The following KIAA1217 variants were observed in gnomAD, a reference collection of about 807,000 sequenced individuals.
KIAA1217 encodes KIAA1217, also known as sickle tail protein homolog.
A neutral mutation model predicts 163.9 loss-of-function variants in KIAA1217; 88 were observed. The ratio of observed to expected loss-of-function variants is 0.54; its 90% CI spans 0.45 to 0.64. KIAA1217 has a LOEUF of 0.64. KIAA1217 is among the 30% of genes least tolerant of loss of function. The pLI is 0.00. For missense variants in KIAA1217, 2,372 were observed against 2,475.0 expected (o/e 0.96, Z 0.88); for synonymous variants, 903 against 923.1 (o/e 0.98, Z 0.39).
chr10:24,308,605 C>A (rs1459786087), intron 2 of KIAA1217, among the ~76,000 whole-genome samples: 5 of 152,164 alleles, frequency 3.3e-5, no homozygotes, highest in Non-Finnish European at 5.9e-5. Context: ...TTTAAAGGAA[C>A]AAAGCCATTG....
chr10:23,934,418 C>T (rs1843387258), intron 1 of KIAA1217, among the ~76,000 whole-genome samples: 1 of 149,732 alleles, frequency 6.7e-6, no homozygotes, highest in African/African-American at 2.5e-5. Context: ...AGAGAATGGG[C>T]CAATAGGTTC....
intron 2 of KIAA1217, among the ~76,000 whole-genome samples, chr10:24,078,550 G>A (rs2061439595): frequency 1.3e-5 from 2 of 152,080 alleles, no homozygotes; most frequent in African/African-American, 4.8e-5. Flanking sequence ...CAAATACTTG[G>A]GCCCTAATCT....
rs537451805 is a variant in KIAA1217, at chr10:23,872,311, G to A, written c.-320-134914G>A. Among the ~76,000 whole-genome samples, 8 of 152,160 alleles carry A rather than the reference G, an allele frequency of 5.3e-5. No homozygotes were observed. The East Asian group carries it at 1.4e-3, about 26-fold the overall frequency. On this transcript the variant is annotated intron_variant, in intron 1 of 18. Transcript: ENST00000376462. ...CCAATAGATTTTAAAAGACTTAGGA[G>A]AGATAGAATGTGAAAGAAGTTTAAA...
At chr10:23,761,173 G>A (rs1834246798) in intron 1 of KIAA1217, among the ~76,000 whole-genome samples, 1 of 152,196 alleles carries the variant, frequency 6.6e-6, no homozygotes, top group African/African-American at 2.4e-5. Context: ...GGCTGAGGTG[G>A]GAAGATCATT....
rs545271478 is a variant in KIAA1217 at position 23,846,144 on chromosome 10, A to G, written c.-321+150910A>G. On this transcript the variant is annotated intron_variant, in intron 1 of 18. Coordinates refer to the KIAA1217 transcript ENST00000376462. ...GTTTTGGTTACTGTAGCCTTGTAAGATAGTTTGAAGTCAGGTAGCATGATG... is the reference window on the plus strand; with the variant it reads ...GTTTTGGTTACTGTAGCCTTGTAAGGTAGTTTGAAGTCAGGTAGCATGATG... Among the ~76,000 whole-genome samples the G allele has an allele frequency of 2.2e-3, 335 of 152,178 alleles. 1 individual carries two copies. The highest frequency in any genetic ancestry group is 4.5e-3 in the Non-Finnish European group (304 of 67,996).
chr10:24,107,213 C>T (rs1025992342), intron 2 of KIAA1217, among the ~76,000 whole-genome samples: 2 of 152,110 alleles, frequency 1.3e-5, no homozygotes, highest in African/African-American at 4.8e-5. Context: ...AAGGACATTA[C>T]CTCATTCTTT....
chr10:23,852,606 C>T (rs1054805706), intron 1 of KIAA1217, among the ~76,000 whole-genome samples: 1 of 152,056 alleles, frequency 6.6e-6, no homozygotes, highest in Non-Finnish European at 1.5e-5. Context: ...TACCTTGGGC[C>T]GTATGGCCAT....
At chr10:24,334,793 G>T (rs2133655396) in intron 2 of KIAA1217, among the ~76,000 whole-genome samples, 1 of 152,314 alleles carries the variant, frequency 6.6e-6, no homozygotes, top group South Asian at 2.1e-4. Context: ...ACAGAAGGTT[G>T]CAGGCTTAGA....
At chr10:23,976,931 C>A (rs1845566997) in intron 1 of KIAA1217, among the ~76,000 whole-genome samples, 1 of 152,202 alleles carries the variant, frequency 6.6e-6, no homozygotes, top group South Asian at 2.1e-4. Flanking sequence ...GGAGCAAAGT[C>A]ATTTGCAGTC....
At chr10:23,866,720 G>A (rs887073806) in intron 1 of KIAA1217, among the ~76,000 whole-genome samples, 2 of 151,970 alleles carry the variant, frequency 1.3e-5, no homozygotes, top group South Asian at 2.1e-4. Context: ...GCACTGTTTC[G>A]AGACCTTTGC....
At chr10:24,480,697 A>G (rs1203156917) in intron 6 of KIAA1217, among the ~76,000 whole-genome samples, 1 of 152,220 alleles carries the variant, frequency 6.6e-6, no homozygotes, top group Non-Finnish European at 1.5e-5. Context: ...AGGAATGTAA[A>G]TACACAGAGT....
intron 2 of KIAA1217, among the ~76,000 whole-genome samples, chr10:24,324,269 A>G (rs2044572492): frequency 1.3e-5 from 2 of 151,456 alleles, no homozygotes; most frequent in African/African-American, 4.9e-5. Flanking sequence ...CCCTGTCTCA[A>G]AAAACAACAG....
At chr10:24,031,742 A>G (rs1056952662) in intron 2 of KIAA1217, among the ~76,000 whole-genome samples, 4 of 152,202 alleles carry the variant, frequency 2.6e-5, no homozygotes, top group African/African-American at 7.2e-5. Flanking sequence ...TGTAAAATTT[A>G]TGTGGTTTGA....
chr10:24,035,410 C>T (rs1177906745), intron 2 of KIAA1217, among the ~76,000 whole-genome samples: 1 of 152,010 alleles, frequency 6.6e-6, no homozygotes, highest in African/African-American at 2.4e-5. Flanking sequence ...GCCTTTATAC[C>T]CTCAGTTGGA....
chr10:24,480,274 A>G (rs1223711646), intron 6 of KIAA1217, among the ~76,000 whole-genome samples: 1 of 152,240 alleles, frequency 6.6e-6, no homozygotes, highest in Non-Finnish European at 1.5e-5. Flanking sequence ...TGTTCAAGCA[A>G]TGTAAATTGT....
intron 2 of KIAA1217, among the ~76,000 whole-genome samples, chr10:24,239,858 A>T (rs1335394353): frequency 6.6e-6 from 1 of 152,126 alleles, no homozygotes; most frequent in Non-Finnish European, 1.5e-5. Flanking sequence ...GCACTTTTTT[A>T]AAAGTATGTA....
rs538446426 is a variant in KIAA1217, at chr10:23,743,935, G to A, written c.-321+48701G>A. On this transcript the variant is annotated intron_variant, in intron 1 of 18. Transcript: ENST00000376462. ...TAAATGTCTCTGAGAACCCAGGAGA[G>A]GGAGTAGTTAATGTTTCCTGACAGG... Among the ~76,000 whole-genome samples, 4 of 152,262 alleles carry A rather than the reference G, an allele frequency of 2.6e-5. No individual in the cohort carries two copies. In the East Asian group the frequency reaches 5.8e-4, roughly 22 times the overall value.
intron 2 of KIAA1217, among the ~76,000 whole-genome samples, chr10:24,101,266 A>C (rs2062403377): frequency 6.6e-6 from 1 of 152,260 alleles, no homozygotes; most frequent in African/African-American, 2.4e-5. Context: ...GATCATTAGC[A>C]GTGGCCACAC....
chr10:24,392,115 C>T (rs967110935), intron 3 of KIAA1217, among the ~76,000 whole-genome samples: 1 of 151,800 alleles, frequency 6.6e-6, no homozygotes, highest in African/African-American at 2.4e-5. Flanking sequence ...AATATGTGTT[C>T]CAGAAAAATT....
Sources: allele counts gnomAD v4.1 joint callset (sites outside exome capture counted in the v4.1 genomes callset), GRCh38; gene constraint gnomAD v4.1.1; transcripts MANE v1.5; gene names NCBI Gene and HGNC (gene_info 2026-07-23, HGNC 2026-07-21).